The following POLQ variants were observed in gnomAD, a reference collection of about 807,000 sequenced individuals.
POLQ encodes epididymis secretory sperm binding protein.
A neutral mutation model predicts 259.2 loss-of-function variants in POLQ; 233 were observed. That is an observed-to-expected ratio of 0.90 (90% CI 0.81 to 1.00). POLQ has a LOEUF of 1.00. Among genes scored for constraint, POLQ ranks in the 50% least tolerant of loss-of-function variants. The pLI is 0.00. For synonymous variants in POLQ, 1,025 were observed against 1,048.8 expected, an observed-to-expected ratio of 0.98 and a Z score of 0.44; for missense variants, 2,871 against 3,051.6, an observed-to-expected ratio of 0.94 and a Z score of 1.39.
intron 24 of POLQ, among the ~76,000 whole-genome samples, chr3:121,461,461 G>GC (rs2047790669): frequency 1.3e-5 from 2 of 152,030 alleles, no homozygotes; most frequent in Non-Finnish European, 2.9e-5. Flanking sequence ...GACCATCCTG[G>GC]CCAACATGGT....
intron 5 of POLQ, among the ~76,000 whole-genome samples, chr3:121,535,179 T>C (rs1396198542): frequency 6.6e-6 from 1 of 152,136 alleles, no homozygotes; most frequent in Non-Finnish European, 1.5e-5. Context: ...AAAGAATCTA[T>C]TGAGTACCCA....
chr3:121,459,369 A>ATGTTTTTTTTTTT (rs778778631), intron 25 of POLQ, among the ~76,000 whole-genome samples: 1 of 104,736 alleles, frequency 9.5e-6, no homozygotes, highest in African/African-American at 3.5e-5. Context: ...GACTAGAAAG[A>ATGTTTTTTTTTTT]TTTTTTTTTT....
At chr3:121,491,748 T>A (rs770714387) in intron 15 of POLQ, among the ~76,000 whole-genome samples, 1 of 152,056 alleles carries the variant, frequency 6.6e-6, no homozygotes, top group Non-Finnish European at 1.5e-5. Flanking sequence ...ACCGTGCAAG[T>A]GTGGACAGAT....
intron 22 of POLQ, among the ~76,000 whole-genome samples, chr3:121,469,852 A>C (rs2047869464): frequency 1.3e-5 from 2 of 152,246 alleles, no homozygotes; most frequent in South Asian, 4.1e-4. Flanking sequence ...AATATTATTA[A>C]AATACATTTC....
intron 25 of POLQ, among the ~76,000 whole-genome samples, chr3:121,453,979 G>C (rs1444102370): frequency 6.6e-6 from 1 of 152,182 alleles, no homozygotes; most frequent in Non-Finnish European, 1.5e-5. Context: ...GGCAGCCAGA[G>C]ACAAAGGTCG....
At chr3:121,533,577 C>G (rs1193271494) in intron 5 of POLQ, among the ~76,000 whole-genome samples, 1 of 151,876 alleles carries the variant, frequency 6.6e-6, no homozygotes, top group Non-Finnish European at 1.5e-5. Context: ...GTGCAATGGA[C>G]CTGTCTCGGC....
intron 7 of POLQ, among the ~76,000 whole-genome samples, chr3:121,528,636 C>A (rs1385264721): frequency 6.6e-6 from 1 of 152,132 alleles, no homozygotes; most frequent in South Asian, 2.1e-4. Flanking sequence ...AGCCACCACG[C>A]CTGGCAGAAA....
intron 2 of POLQ, among the ~76,000 whole-genome samples, chr3:121,543,908 G>A (rs1422493571): frequency 4.6e-5 from 7 of 151,842 alleles, no homozygotes; most frequent in Admixed American, 1.3e-4. Context: ...ACTTGAACCC[G>A]GGAGGCAGAG....
Position 121,496,853 on chromosome 3 carries a change from G to A in POLQ, c.2233C>T (p.Arg745Cys), listed in dbSNP as rs373455498. 70 of 1,613,630 alleles carry A rather than the reference G, an allele frequency of 4.3e-5. No homozygotes were observed. The highest frequency in any genetic ancestry group is 8.3e-5 in the Admixed American group (5 of 59,940). Residue 745 changes from arginine (R) to cysteine (C), a missense_variant, in exon 14 of 30, where the codon CGT becomes TGT. Arg to Cys is a radical substitution (Grantham distance 180). Transcript: ENST00000264233. ...TGTTGCAAAGATTGAATCTGCCCAC[G>A]ATTGCATCCATATTTCTGATTTATT... ...REINQKYGCN[R>C]GQIQSLQQSA...
chr3:121,488,166 T>C lies in POLQ; in HGVS notation c.4765A>G (p.Arg1589Gly), dbSNP rs1278781404. ...QEKNHTVVSP[R>G]ALELSDPVLD... Reference sequence around the variant, plus strand: ...ACTGGATCACTTAGTTCTAATGCTCTAGGAGATACTACAGTATGATTCTTC... The same window carrying C: ...ACTGGATCACTTAGTTCTAATGCTCCAGGAGATACTACAGTATGATTCTTC... The change falls in exon 16 of 30, where the codon AGA becomes GGA. Residue 1589 changes from arginine (R) to glycine (G), a missense_variant. By Grantham distance (125) the Arg-to-Gly change is moderately radical (BLOSUM62 -2). Around this residue, in one of 3 missense-constraint regions of POLQ, gnomAD observed 2,080 missense variants for 2,126.0 expected, o/e 0.98. Coordinates refer to ENST00000264233, the MANE Select transcript of POLQ (RefSeq NM_199420.4). 1.2e-6 allele frequency: 2 copies of C among 1,613,376 alleles called. No homozygotes were observed. The highest frequency in any genetic ancestry group is 4.5e-5 in the East Asian group (2 of 44,864).
chr3:121,510,517 C>A (rs1050281679), intron 10 of POLQ, among the ~76,000 whole-genome samples: 2 of 151,822 alleles, frequency 1.3e-5, no homozygotes, highest in African/African-American at 4.8e-5. Context: ...GCGAAGCTTG[C>A]GGTGAGCCAA....
chr3:121,480,155 G>GA lies in POLQ; in HGVS notation c.6211+1416dup, dbSNP rs55908435. Among the ~76,000 whole-genome samples the GA allele has an allele frequency of 6.2e-3, 916 of 148,214 alleles. 9 individuals carry two copies. The highest frequency in any genetic ancestry group is 0.011 in the Non-Finnish European group (715 of 66,862). ...GAATGTCACAGTGGAGTAATAAAAA[G>GA]AAAAAAAAGATTTGGAAAAAAAATA... On this transcript the variant is annotated intron_variant, in intron 19 of 29. Coordinates refer to ENST00000264233, the MANE Select transcript of POLQ (RefSeq NM_199420.4).
At chr3:121,538,168 C>T (rs2048463535) in intron 4 of POLQ, among the ~76,000 whole-genome samples, 2 of 151,730 alleles carry the variant, frequency 1.3e-5, no homozygotes, top group African/African-American at 4.8e-5. Context: ...TAGAAAGTAG[C>T]TTAGAAAAAA....
intron 26 of POLQ, among the ~76,000 whole-genome samples, chr3:121,441,588 A>G (rs1439568675): frequency 6.6e-6 from 1 of 152,220 alleles, no homozygotes; most frequent in Non-Finnish European, 1.5e-5. Flanking sequence ...TCCTTGATCT[A>G]TACTACTCTG....
rs1193649296 is a variant in POLQ, at chr3:121,489,791, T to C, written c.3140A>G (p.His1047Arg). The stretch of plus-strand genomic sequence containing the variant: ...GCTGCTGTCCCTAGATCGCTTTAGA[T>C]GCTTTCTACGTTTCCAAGATCGAAA... ...RSFRSWKRRK[H>R]LKRSRDSSPL... Residue 1047 changes from histidine (H) to arginine (R), a missense_variant, in exon 16 of 30, where the codon CAT becomes CGT. Coordinates refer to ENST00000264233, the MANE Select transcript of POLQ (RefSeq NM_199420.4). The C allele has an allele frequency of 1.2e-6, 2 of 1,612,942 alleles. No homozygotes were observed. The highest frequency in any genetic ancestry group is 1.3e-5 in the African/African-American group (1 of 75,028).
At position 121,539,563 on chromosome 3, in the gene POLQ, T is replaced by G; in HGVS notation, c.501A>C (p.Lys167Asn). Residue 167 changes from lysine (K) to asparagine (N), a missense_variant, in exon 4 of 30, where the codon AAA becomes AAC. By Grantham distance (94) the Lys-to-Asn change is moderately conservative. Transcript: ENST00000264233. Reference sequence around the variant, plus strand: ...AGGTGCTGCCCATATAACCGTCTACTTTTATTCCTACTTCCTGAAACAGAC... The same window carrying G: ...AGGTGCTGCCCATATAACCGTCTACGTTTATTCCTACTTCCTGAAACAGAC... ...LQSLFQEVGI[K>N]VDGYMGSTSP... 1 of 1,612,858 alleles carries G rather than the reference T, an allele frequency of 6.2e-7. No homozygotes were observed. The highest frequency in any genetic ancestry group is 8.5e-7 in the Non-Finnish European group (1 of 1,179,078).
intron 14 of POLQ, 104 bp downstream of exon 14, chr3:121,496,704 T>C: frequency 8.1e-7 from 1 of 1,233,782 alleles, no homozygotes; most frequent in Non-Finnish European, 1.1e-6. Flanking sequence ...GTTTTAGCAC[T>C]TTTAAAGAAG....
chr3:121,524,930 G>A (rs2048361815), intron 7 of POLQ, among the ~76,000 whole-genome samples: 1 of 101,670 alleles, frequency 9.8e-6, no homozygotes, highest in Non-Finnish European at 2.1e-5. Flanking sequence ...GTATATTTGT[G>A]TATAAATACA....
intron 26 of POLQ, among the ~76,000 whole-genome samples, chr3:121,448,429 G>A (rs956855046): frequency 7.9e-5 from 12 of 151,818 alleles, no homozygotes; most frequent in Admixed American, 2.6e-4. Flanking sequence ...GTGCAATGGC[G>A]TGATCTCGGC....
Sources: gnomAD v4.1 joint callset for allele counts (sites outside exome capture counted in the v4.1 genomes callset) on GRCh38, gnomAD v4.1.1 for gene constraint, gnomAD v4.1.1 regional missense constraint, MANE v1.5 for transcripts, NCBI Gene and HGNC (gene_info 2026-07-23, HGNC 2026-07-21) for gene names.